PDK4: variants seen among roughly 807,000 people sequenced by gnomAD.
The protein encoded by PDK4 is pyruvate dehydrogenase kinase 4.
A neutral mutation model predicts 51.7 loss-of-function variants in PDK4; 43 were observed. The ratio of observed to expected loss-of-function variants is 0.83; its 90% CI spans 0.65 to 1.07. PDK4 has a LOEUF of 1.07. PDK4 is among the 50% of genes least tolerant of loss of function. The pLI is 0.00. For missense variants in PDK4, 498 were observed against 503.5 expected, an observed-to-expected ratio of 0.99 and a Z score of 0.10; for synonymous variants, 170 against 176.6, an observed-to-expected ratio of 0.96 and a Z score of 0.30.
intron 8 of PDK4, 87 bp downstream of exon 8, chr7:95,587,640 C>A (rs1013254803): frequency 2.6e-6 from 3 of 1,164,270 alleles, no homozygotes; most frequent in Non-Finnish European, 2.6e-6. Flanking sequence ...TGACTGTTAT[C>A]TATTGCAAAA....
intron 6 of PDK4, 91 bp downstream of exon 6, chr7:95,591,897 C>A (rs1165604001): frequency 2.9e-6 from 2 of 690,570 alleles, no homozygotes; most frequent in Non-Finnish European, 4.9e-6. Context: ...AAAAAATGAA[C>A]ACAGAAGTTG....
chr7:95,585,702 G>A lies in PDK4; in HGVS notation c.1175C>T (p.Ala392Val). The A allele has an allele frequency of 6.2e-7, 1 of 1,611,872 alleles. No individual in the cohort carries two copies. Among genetic ancestry groups the A allele is most frequent in the South Asian group, 1.1e-5 (1 of 90,840 alleles). ...AFKHYQMSSE[A>V]DDWCIPSREP... Reference sequence around the variant, plus strand: ...CCTGCTTGGGATACACCAGTCATCAGCCTCAGAGCTCATCTGATAATGTTT... The same window carrying A: ...CCTGCTTGGGATACACCAGTCATCAACCTCAGAGCTCATCTGATAATGTTT... The change falls in exon 11 of 11, where the codon GCT becomes GTT. Residue 392 changes from alanine to valine, a missense_variant. Ala to Val is a moderately conservative substitution (Grantham distance 64). Coordinates refer to ENST00000005178, the MANE Select transcript of PDK4 (RefSeq NM_002612.4).
Position 95,587,725 on chromosome 7 carries a change from A to G in PDK4, c.870+2T>C, listed in dbSNP as rs763695627. 1.0e-5 allele frequency: 16 copies of G among 1,582,560 alleles called. No individual in the cohort carries two copies. Among genetic ancestry groups the G allele is most frequent in the African/African-American group, 1.3e-5 (1 of 74,466 alleles). ...CCCAAAAGGAAAACAGAGAATGGTT[A>G]CCTTAATGGTAAGGTCTTCTTTTCC... On this transcript the variant is annotated splice_donor_variant, in intron 8 of 10. Coordinates refer to ENST00000005178, the MANE Select transcript of PDK4 (RefSeq NM_002612.4). LOFTEE classifies it high-confidence loss of function.
At chr7:95,596,095 T>C (rs962224201) in intron 1 of PDK4, 69 bp downstream of exon 1, 3 of 1,485,156 alleles carry the variant, frequency 2.0e-6, no homozygotes, top group African/African-American at 3.0e-5. Context: ...GCCCTCCCTC[T>C]ACCAAGGCTG....
rs1450340917 is a variant in PDK4 at position 95,584,694 on chromosome 7, A to T, written c.*947T>A. On this transcript the variant is annotated 3_prime_UTR_variant, in exon 11 of 11. Transcript: ENST00000005178. ...AAGCCTAGAAAATGGATGCCTTTGG[A>T]TTACCTTCATTTCAGGGTAGAGAAA... is the stretch of plus-strand genomic sequence containing the variant. 3.3e-5 allele frequency: 5 copies of T among 152,210 alleles called. No homozygotes were observed. Among genetic ancestry groups the T allele is most frequent in the Non-Finnish European group, 4.4e-5 (3 of 68,022 alleles). 9.4% of individuals were successfully genotyped at this position (152,210 alleles called of 1,614,324 possible).
rs1271766967 is a variant in PDK4, at chr7:95,593,743, C to T, written c.300G>A (p.Val100=). The part of the protein sequence containing the change: ...SWYIQSLMDL[V]EFHEKSPDDQ... ...CATCTGGGCTTTTCTCATGGAATTC[C>T]ACCAAATCCATCAGGCTCTGTATAT... The change falls in exon 3 of 11, where the codon GTG becomes GTA. Residue 100 remains valine, a synonymous_variant. Coordinates refer to ENST00000005178, the MANE Select transcript of PDK4 (RefSeq NM_002612.4). 6.4e-7 allele frequency: 1 copy of T among 1,565,478 alleles called. No individual in the cohort carries two copies.
At chr7:95,592,621 A>T (rs114190608) in intron 4 of PDK4, 24 bp from the exon 5 acceptor site, 2 of 1,537,668 alleles carry the variant, frequency 1.3e-6, no homozygotes, top group African/African-American at 2.7e-5. Context: ...AAAACAAAAA[A>T]AAATTGTTAT....
At position 95,595,007 on chromosome 7, in the gene PDK4, A is replaced by C; in HGVS notation, c.272+16T>G. On this transcript the variant is annotated intron_variant, in intron 2 of 10. Transcript: ENST00000005178. ...CTGTTTCAAAACTAGAGACTTCAATATGGTTCACCACTTACCAGCTTTTAA... is the reference window on the plus strand; with the variant it reads ...CTGTTTCAAAACTAGAGACTTCAATCTGGTTCACCACTTACCAGCTTTTAA... The C allele has an allele frequency of 6.3e-7, 1 of 1,587,080 alleles. No individual in the cohort carries two copies. Among genetic ancestry groups the C allele is most frequent in the East Asian group, 2.3e-5 (1 of 44,436 alleles).
chr7:95,587,412 T>C lies in PDK4; in HGVS notation c.981+6A>G. 3 of 1,525,614 alleles carry C rather than the reference T, an allele frequency of 2.0e-6. No individual in the cohort carries two copies. The South Asian group carries it at 3.4e-5, about 17-fold the overall frequency. The allele number at this position is 1,525,614 out of a possible 1,614,324, so 94.5% of individuals were successfully genotyped here. A position where few individuals can be genotyped will look rare whatever the true frequency, so the allele number is the denominator to read the frequency against. On this transcript the variant is annotated splice_donor_region_variant and intron_variant, in intron 9 of 10. Transcript: ENST00000005178. ...GAGATTAATTTAGCCATATAATTGT[T>C]CTTACCAAAGGAGCATTCCGGGAAT...
At chr7:95,594,938 C>T (rs1219169959) in intron 2 of PDK4, 85 bp downstream of exon 2, 20 of 847,014 alleles carry the variant, frequency 2.4e-5, no homozygotes, top group Non-Finnish European at 3.4e-5. Context: ...CACCTGTTTT[C>T]CAATTATGAT....
At chr7:95,590,155 C>A (rs1291418567) in intron 6 of PDK4, among the ~76,000 whole-genome samples, 1 of 152,104 alleles carries the variant, frequency 6.6e-6, no homozygotes, top group Non-Finnish European at 1.5e-5. Context: ...TGGATTATTT[C>A]TATTTTCAAC....
Position 95,585,402 on chromosome 7 carries a change from A to T in PDK4, c.*239T>A. On this transcript the variant is annotated 3_prime_UTR_variant, in exon 11 of 11. Coordinates refer to ENST00000005178, the MANE Select transcript of PDK4 (RefSeq NM_002612.4). ...TTTCTTCAGGATTTGATATAAACTC[A>T]GGAGTTATTCTACATTAAAAAATAA... is the stretch of plus-strand genomic sequence containing the variant. The T allele has an allele frequency of 2.8e-6, 1 of 353,876 alleles. No individual in the cohort carries two copies. Among genetic ancestry groups the T allele is most frequent in the Non-Finnish European group, 5.1e-6 (1 of 196,380 alleles). The allele number at this position is 353,876 out of a possible 1,614,324, so 21.9% of individuals were successfully genotyped here.
intron 9 of PDK4, 24 bp downstream of exon 9, chr7:95,587,394 A>G (rs753289845): frequency 2.2e-6 from 3 of 1,340,824 alleles, no homozygotes; most frequent in Non-Finnish European, 3.2e-6. Context: ...GCTGAGATTA[A>G]TTTAGCCATA....
At chr7:95,586,989 G>C (rs758784433) in intron 10 of PDK4, 21 bp downstream of exon 10, 2 of 1,308,174 alleles carry the variant, frequency 1.5e-6, no homozygotes, top group Non-Finnish European at 2.2e-6. Flanking sequence ...ACAGGATTTT[G>C]CTATTGAATT....
rs1392987818 is a variant in PDK4, at chr7:95,592,950, C to A, written c.345-6G>T. ...TGATGAGTGTATCTACAAAGCTAAG[C>A]CACAATATTTATGGTTAGTAAAAGT... is the stretch of plus-strand genomic sequence containing the variant. On this transcript the variant is annotated splice_region_variant and splice_polypyrimidine_tract_variant and intron_variant, in intron 3 of 10. Coordinates refer to ENST00000005178, the MANE Select transcript of PDK4 (RefSeq NM_002612.4). The A allele has an allele frequency of 1.3e-6, 2 of 1,556,140 alleles. No individual in the cohort carries two copies. Among genetic ancestry groups the A allele is most frequent in the Non-Finnish European group, 8.7e-7 (1 of 1,144,930 alleles).
rs923160129 is a variant in PDK4 at position 95,583,510 on chromosome 7, TA to T, written c.*2130del. ...TAAAACACAATGTCTTTTATCATCA[TA>T]AAAAATATTTATTATAAAAAATTAT... On this transcript the variant is annotated 3_prime_UTR_variant, in exon 11 of 11. Coordinates refer to ENST00000005178, the MANE Select transcript of PDK4 (RefSeq NM_002612.4). 6 of 152,156 alleles carry T rather than the reference TA, an allele frequency of 3.9e-5. No homozygotes were observed. The highest frequency in any genetic ancestry group is 4.1e-4 in the South Asian group (2 of 4,834). The allele number at this position is 152,156 out of a possible 1,614,324, so 9.4% of individuals were successfully genotyped here.
intron 1 of PDK4, among the ~76,000 whole-genome samples, 184 bp downstream of exon 1, chr7:95,595,980 C>A (rs958788430): frequency 1.3e-5 from 2 of 152,162 alleles, no homozygotes; most frequent in Admixed American, 6.5e-5. Context: ...CCTGGAGGCA[C>A]CCCTGTCAGA....
intron 9 of PDK4, 139 bp downstream of exon 9, chr7:95,587,279 T>C: frequency 1.4e-6 from 1 of 723,882 alleles, no homozygotes; most frequent in Non-Finnish European, 2.4e-6. Context: ...CATTTTTAGC[T>C]TGCTTTATCA....
intron 1 of PDK4, 61 bp from the exon 2 acceptor site, chr7:95,595,225 T>C (rs1299894175): frequency 9.3e-7 from 1 of 1,070,738 alleles, no homozygotes; most frequent in Non-Finnish European, 1.4e-6. Flanking sequence ...TATATCTAAA[T>C]AGCATTAACT....
Sources: gnomAD v4.1 joint callset for allele counts (sites outside exome capture counted in the v4.1 genomes callset) on GRCh38, gnomAD v4.1.1 for gene constraint, MANE v1.5 for transcripts, NCBI Gene and HGNC (gene_info 2026-07-23, HGNC 2026-07-21) for gene names.